The following SLC26A8 variants were observed in gnomAD, a reference collection of about 807,000 sequenced individuals.
The protein encoded by SLC26A8 is testis anion transporter 1.
SLC26A8 carries 70 observed loss-of-function variants against 105.0 expected under a neutral mutation model. That is an observed-to-expected ratio of 0.67 (90% CI 0.55 to 0.81). SLC26A8 has a LOEUF of 0.81. SLC26A8 is among the 40% of genes least tolerant of loss of function. The probability of loss-of-function intolerance (pLI) is 0.00; values close to 1 mark genes in which losing one functional copy is unlikely to be tolerated. For missense variants in SLC26A8, 998 were observed against 1,181.8 expected, an observed-to-expected ratio of 0.84 and a Z score of 2.28; for synonymous variants, 415 against 438.3, an observed-to-expected ratio of 0.95 and a Z score of 0.66.
chr6:35,985,573 A>T (rs1158057524), intron 7 of SLC26A8, among the ~76,000 whole-genome samples: 1 of 151,702 alleles, frequency 6.6e-6, no homozygotes, highest in Non-Finnish European at 1.5e-5. Flanking sequence ...TGTACCTGTA[A>T]TCCCAGCTAC....
intron 17 of SLC26A8, among the ~76,000 whole-genome samples, chr6:35,954,485 C>T (rs561385801): frequency 1.3e-5 from 2 of 152,280 alleles, no homozygotes; most frequent in East Asian, 3.9e-4. Flanking sequence ...GCATTCAGAC[C>T]TATTCCTTGA....
At chr6:35,996,238 A>G (rs1170381588) in intron 5 of SLC26A8, among the ~76,000 whole-genome samples, 7 of 152,178 alleles carry the variant, frequency 4.6e-5, no homozygotes, top group African/African-American at 1.2e-4. Context: ...TAGGTACCCA[A>G]TAAATCTTTA....
chr6:35,997,794 A>G lies in SLC26A8; in HGVS notation c.571T>C (p.Tyr191His), dbSNP rs1417279620. ...GCCACCACACTCAAGGATTTATTAT[A>G]GCCCATAAGGTAGGAGGGGGCCGAA... ...EFSAPSYLMG[Y>H]NKSLSVVATT... Residue 191 changes from tyrosine to histidine, a missense_variant, in exon 5 of 20, where the codon TAT becomes CAT. Transcript: ENST00000490799. 1 of 1,614,070 alleles carries G rather than the reference A, an allele frequency of 6.2e-7. No homozygotes were observed. Among genetic ancestry groups the G allele is most frequent in the East Asian group, 2.2e-5 (1 of 44,894 alleles).
intron 19 of SLC26A8, 72 bp downstream of exon 19, chr6:35,951,091 A>ACCCCCCCCCCCCCCCCC: frequency 8.0e-7 from 1 of 1,256,378 alleles, no homozygotes. Context: ...CCAGCCCCCA[A>ACCCCCCCCCCCCCCCCC]CCACCCCTCA....
At chr6:35,944,536 T>TATA (rs938820481) in intron 19 of SLC26A8, among the ~76,000 whole-genome samples, 196 bp from the exon 20 acceptor site, 2 of 147,752 alleles carry the variant, frequency 1.4e-5, no homozygotes, top group Non-Finnish European at 3.0e-5. Context: ...ATAATTATTA[T>TATA]ATAATAATAA....
At chr6:35,972,251 C>G (rs1772824355) in intron 10 of SLC26A8, among the ~76,000 whole-genome samples, 1 of 152,128 alleles carries the variant, frequency 6.6e-6, no homozygotes, top group Non-Finnish European at 1.5e-5. Context: ...GAAATAGGGA[C>G]ATTCTCAGGC....
intron 16 of SLC26A8, among the ~76,000 whole-genome samples, chr6:35,956,742 A>T (rs936942182): frequency 2.6e-5 from 4 of 152,102 alleles, no homozygotes; most frequent in African/African-American, 9.7e-5. Flanking sequence ...CAACATGGCG[A>T]AATTCCATCT....
chr6:35,977,747 C>G (rs892898842), intron 8 of SLC26A8, among the ~76,000 whole-genome samples: 1 of 152,024 alleles, frequency 6.6e-6, no homozygotes, highest in Non-Finnish European at 1.5e-5. Flanking sequence ...GAAGATGAGG[C>G]AATACTTTCC....
rs1772667118 is a variant in SLC26A8 at position 35,968,864 on chromosome 6, C to G, written c.1365+13G>C. ...GTCGTTGTTGACTTAGTTATTTGAT[C>G]AGTTCTACTTACATTTGGCAGTGTG... On this transcript the variant is annotated intron_variant, in intron 11 of 19. Coordinates refer to ENST00000490799, the MANE Select transcript of SLC26A8 (RefSeq NM_052961.4). 1 of 1,403,914 alleles carries G rather than the reference C, an allele frequency of 7.1e-7. No homozygotes were observed. Among genetic ancestry groups the G allele is most frequent in the East Asian group, 3.7e-5 (1 of 26,950 alleles). The allele number at this position is 1,403,914 out of a possible 1,614,324, so 87.0% of individuals were successfully genotyped here. A position where few individuals can be genotyped will look rare whatever the true frequency, so the allele number is the denominator to read the frequency against.
At chr6:35,947,999 T>C (rs959917596) in intron 19 of SLC26A8, among the ~76,000 whole-genome samples, 1 of 152,200 alleles carries the variant, frequency 6.6e-6, no homozygotes, top group Non-Finnish European at 1.5e-5. Flanking sequence ...CACAAAACCT[T>C]ACTATGAATG....
rs1245176844 is a variant in SLC26A8, at chr6:36,023,930, C to CATAG, written c.-3+570_-3+573dup. Among the ~76,000 whole-genome samples the CATAG allele has an allele frequency of 6.6e-5, 10 of 152,210 alleles. 1 individual carries two copies. In the South Asian group the frequency reaches 2.1e-3, roughly 32 times the overall value. On this transcript the variant is annotated intron_variant, in intron 1 of 19. Coordinates refer to ENST00000490799, the MANE Select transcript of SLC26A8 (RefSeq NM_052961.4). ...AGCGGATGACCATTGGACACATAAA[C>CATAG]ATAGGACAACCACCTTCCATGCAAT... is the stretch of plus-strand genomic sequence containing the variant.
At chr6:36,023,927 A>G (rs1204435647) in intron 1 of SLC26A8, among the ~76,000 whole-genome samples, 4 of 152,172 alleles carry the variant, frequency 2.6e-5, no homozygotes, top group South Asian at 4.1e-4. Flanking sequence ...TTGGACACAT[A>G]AACATAGGAC....
At chr6:35,976,823 C>T (rs887856777) in intron 9 of SLC26A8, among the ~76,000 whole-genome samples, 3 of 152,040 alleles carry the variant, frequency 2.0e-5, no homozygotes, top group African/African-American at 7.3e-5. Context: ...GGATTACAGA[C>T]GTGAGCCACT....
rs111497994 is a variant in SLC26A8, at chr6:35,967,378, G to A, written c.1365+1499C>T. Among the ~76,000 whole-genome samples, 504 of 152,258 alleles carry A rather than the reference G, an allele frequency of 3.3e-3. 4 individuals are homozygous for A. Among genetic ancestry groups the A allele is most frequent in the African/African-American group, 0.012 (479 of 41,544 alleles). ...AACCTTCTCTCACCTCCCTAAGTAC[G>A]ATATAAAAATGGCTAACAGGAACAT... On this transcript the variant is annotated intron_variant, in intron 11 of 19. Coordinates refer to ENST00000490799, the MANE Select transcript of SLC26A8 (RefSeq NM_052961.4).
chr6:36,009,325 T>C (rs1243692880), intron 3 of SLC26A8, among the ~76,000 whole-genome samples: 1 of 151,824 alleles, frequency 6.6e-6, no homozygotes, highest in Non-Finnish European at 1.5e-5. Flanking sequence ...TACTCCAGCC[T>C]GGGTGACAGA....
chr6:35,983,916 A>G (rs1442168549), intron 7 of SLC26A8, among the ~76,000 whole-genome samples: 1 of 152,144 alleles, frequency 6.6e-6, no homozygotes, highest in East Asian at 1.9e-4. Flanking sequence ...ACATCTAAAC[A>G]TTAGTAATTT....
chr6:35,943,853 A>G lies in SLC26A8; in HGVS notation c.*47T>C, dbSNP rs750754164. 4.4e-6 allele frequency: 7 copies of G among 1,582,288 alleles called. No individual in the cohort carries two copies. Among genetic ancestry groups the G allele is most frequent in the Non-Finnish European group, 6.0e-6 (7 of 1,162,928 alleles). On this transcript the variant is annotated 3_prime_UTR_variant, in exon 20 of 20. Coordinates refer to ENST00000490799, the MANE Select transcript of SLC26A8 (RefSeq NM_052961.4). Reference sequence around the variant, plus strand: ...CTGGACAATTGACCCCTTTTTGGGTAGGAGGATTTGCCAGCATTATCTGAC... The same window carrying G: ...CTGGACAATTGACCCCTTTTTGGGTGGGAGGATTTGCCAGCATTATCTGAC...
chr6:35,975,399 C>T lies in SLC26A8; in HGVS notation c.1263G>A (p.Gln421=). ...FTGAIARTII[Q]DKSGGRQQFA... ...CCTGTTGTCTTCCTCCAGATTTATC[C>T]TGGATAATAGTCCTAGCAATAGCAC... The change falls in exon 10 of 20, where the codon CAG becomes CAA. Residue 421 remains glutamine (Q), a synonymous_variant. Coordinates refer to ENST00000490799, the MANE Select transcript of SLC26A8 (RefSeq NM_052961.4). 1 of 1,609,258 alleles carries T rather than the reference C, an allele frequency of 6.2e-7. No homozygotes were observed. Among genetic ancestry groups the T allele is most frequent in the Admixed American group, 1.7e-5 (1 of 59,184 alleles).
chr6:35,985,692 CAAAAAAAAA>C (rs58199602), intron 7 of SLC26A8, among the ~76,000 whole-genome samples: 10 of 46,920 alleles, frequency 2.1e-4, no homozygotes, highest in Non-Finnish European at 4.0e-4. Context: ...GACTCCGTCT[CAAAAAAAAA>C]AAAAAAAAAA....
Sources: allele counts gnomAD v4.1 joint callset (sites outside exome capture counted in the v4.1 genomes callset), GRCh38; gene constraint gnomAD v4.1.1; transcripts MANE v1.5; gene names NCBI Gene and HGNC (gene_info 2026-07-23, HGNC 2026-07-21).